Variants in GRB10 observed in about 807,000 individuals in gnomAD.
GRB10 encodes growth factor receptor-bound protein 10.
Under a neutral mutation model 80.9 loss-of-function variants are expected in GRB10, and 20 were observed. That is an observed-to-expected ratio of 0.25 (90% confidence interval 0.17 to 0.36). The LOEUF (loss-of-function observed/expected upper bound fraction) is 0.36. Ranked by LOEUF, GRB10 falls within the 10% of genes least tolerant of loss-of-function variation. GRB10 has a pLI of 1.00. For synonymous variants in GRB10, 291 were observed against 291.5 expected (o/e 1.00, Z 0.02); for missense variants, 548 against 747.7 (o/e 0.73, Z 3.12).
intron 5 of GRB10, among the ~76,000 whole-genome samples, chr7:50,675,543 T>G (rs2237474): frequency 0.65 from 99,345 of 152,038 alleles, 32,791 homozygotes; most frequent in African/African-American, 0.73. Flanking sequence ...CATGTGAGAG[T>G]GCCTCAGCCC....
chr7:50,628,299 T>C (rs2153593330), intron 7 of GRB10, among the ~76,000 whole-genome samples: 1 of 152,336 alleles, frequency 6.6e-6, no homozygotes, highest in South Asian at 2.1e-4. Flanking sequence ...TAGTTTGTCC[T>C]GACAAACTCC....
At chr7:50,692,573 G>A (rs1435154224) in intron 5 of GRB10, among the ~76,000 whole-genome samples, 1 of 152,150 alleles carries the variant, frequency 6.6e-6, no homozygotes, top group African/African-American at 2.4e-5. Context: ...ACAAGAAGGG[G>A]AGAGGCAGGG....
intron 5 of GRB10, among the ~76,000 whole-genome samples, chr7:50,684,015 C>T (rs1014830893): frequency 6.6e-6 from 1 of 152,076 alleles, no homozygotes. Context: ...ACCAATCCTG[C>T]AGAACATGGC....
At chr7:50,595,415 G>A in intron 18 of GRB10, 22 bp downstream of exon 18, 1 of 1,244,980 alleles carries the variant, frequency 8.0e-7, no homozygotes, top group Non-Finnish European at 1.2e-6. Flanking sequence ...ACAAGGACTG[G>A]TCTGAGAACA....
At chr7:50,707,852 A>G (rs2715105) in intron 4 of GRB10, among the ~76,000 whole-genome samples, 138,246 of 152,232 alleles carry the variant, frequency 0.91, 62,904 homozygotes, top group African/African-American at 0.96. Context: ...ACTGTGAGGT[A>G]TGAGGCCCAT....
chr7:50,677,556 A>G (rs768711100), intron 5 of GRB10, among the ~76,000 whole-genome samples: 23 of 152,216 alleles, frequency 1.5e-4, no homozygotes, highest in Non-Finnish European at 5.9e-5. Flanking sequence ...AGGAAAAGTT[A>G]TAGTGGAGAC....
chr7:50,755,949 AC>A lies in GRB10; in HGVS notation c.-110del. 3 of 398,936 alleles carry A rather than the reference AC, an allele frequency of 7.5e-6. No individual in the cohort carries two copies. The highest frequency in any genetic ancestry group is 1.3e-5 in the Non-Finnish European group (3 of 226,406). The allele number at this position is 398,936 out of a possible 1,614,324, so 24.7% of individuals were successfully genotyped here. ...CGGCCACCCTGGCTTCACTGAGAGG[AC>A]CCAGGTGAGGACCTGGCTGCCGGTC... On this transcript the variant is annotated 5_prime_UTR_variant, in exon 3 of 19. Transcript: ENST00000401949.
At chr7:50,742,662 G>C (rs2153697336) in intron 3 of GRB10, among the ~76,000 whole-genome samples, 1 of 152,102 alleles carries the variant, frequency 6.6e-6, no homozygotes, top group East Asian at 1.9e-4. Context: ...TACATCACTA[G>C]GGGGAAAGGG....
chr7:50,774,160 C>A (rs2077332067), intron 2 of GRB10, among the ~76,000 whole-genome samples: 2 of 152,170 alleles, frequency 1.3e-5, no homozygotes, highest in African/African-American at 4.8e-5. Flanking sequence ...GAAATCTATG[C>A]AGACAGAAAG....
chr7:50,773,466 GGC>G, intron 2 of GRB10, among the ~76,000 whole-genome samples: 1 of 9,966 alleles, frequency 1.0e-4, no homozygotes, highest in Non-Finnish European at 1.9e-4. Flanking sequence ...GGGAGGGGAA[GGC>G]AGGGGAGGGG....
At chr7:50,763,453 G>A (rs1341167970) in intron 2 of GRB10, among the ~76,000 whole-genome samples, 1 of 152,224 alleles carries the variant, frequency 6.6e-6, no homozygotes, top group East Asian at 1.9e-4. Flanking sequence ...AGGCCCGCTG[G>A]AGTGGGGGCA....
At chr7:50,767,884 C>G (rs1332470064) in intron 2 of GRB10, among the ~76,000 whole-genome samples, 1 of 152,198 alleles carries the variant, frequency 6.6e-6, no homozygotes, top group Non-Finnish European at 1.5e-5. Flanking sequence ...CTCTCAATGA[C>G]CTGTTCTGCC....
chr7:50,694,457 A>G (rs2063202929), intron 5 of GRB10, among the ~76,000 whole-genome samples: 1 of 152,240 alleles, frequency 6.6e-6, no homozygotes, highest in African/African-American at 2.4e-5. Flanking sequence ...GCTAAAAATG[A>G]GTTTTGGGCT....
At chr7:50,641,152 C>G (rs1271934944) in intron 7 of GRB10, among the ~76,000 whole-genome samples, 1 of 127,574 alleles carries the variant, frequency 7.8e-6, no homozygotes, top group Admixed American at 7.9e-5. Flanking sequence ...GCTCACTCTT[C>G]CTCACTCTTG....
chr7:50,612,609 T>C, intron 13 of GRB10, 132 bp downstream of exon 13: 1 of 716,698 alleles, frequency 1.4e-6, no homozygotes, highest in Non-Finnish European at 2.5e-6. Context: ...TAACTACATT[T>C]GATAAATAAA....
intron 3 of GRB10, among the ~76,000 whole-genome samples, chr7:50,745,173 T>A (rs909779422): frequency 6.6e-6 from 1 of 152,204 alleles, no homozygotes; most frequent in African/African-American, 2.4e-5. Context: ...ATAAATAGAC[T>A]CACACAGTTC....
At chr7:50,778,156 C>T (rs937210429) in intron 2 of GRB10, among the ~76,000 whole-genome samples, 14 of 152,326 alleles carry the variant, frequency 9.2e-5, no homozygotes, top group African/African-American at 3.4e-4. Flanking sequence ...AAATTTGGAA[C>T]CACCATAGTC....
intron 7 of GRB10, among the ~76,000 whole-genome samples, chr7:50,646,453 G>C (rs957803369): frequency 2.0e-5 from 3 of 152,216 alleles, no homozygotes; most frequent in Non-Finnish European, 2.9e-5. Flanking sequence ...AGAAGAAAGT[G>C]AATCTCACCG....
At chr7:50,731,732 C>T (rs2153692170) in intron 4 of GRB10, among the ~76,000 whole-genome samples, 1 of 152,330 alleles carries the variant, frequency 6.6e-6, no homozygotes, top group Middle Eastern at 3.4e-3. Flanking sequence ...CAGAAATGAA[C>T]TTGTTCTCCC....
Sources: allele counts gnomAD v4.1 joint callset (sites outside exome capture counted in the v4.1 genomes callset), GRCh38; gene constraint gnomAD v4.1.1; transcripts MANE v1.5; gene names NCBI Gene and HGNC (gene_info 2026-07-23, HGNC 2026-07-21).